Variants in PIGK observed in about 807,000 individuals in gnomAD.
PIGK encodes GPI-anchor transamidase.
Under a neutral mutation model 50.6 loss-of-function variants are expected in PIGK, and 42 were observed. That is an observed-to-expected ratio of 0.83 (90% confidence interval 0.65 to 1.07). The LOEUF is 1.07. Among genes scored for constraint, PIGK ranks in the 50% least tolerant of loss-of-function variants. The pLI, the probability that PIGK is intolerant of heterozygous loss-of-function variation, is 0.00. For synonymous variants in PIGK, 151 were observed against 156.0 expected, an observed-to-expected ratio of 0.97 and a Z score of 0.24; for missense variants, 448 against 488.7, an observed-to-expected ratio of 0.92 and a Z score of 0.78.
chr1:77,092,787 T>C (rs1368688766), intron 10 of PIGK, among the ~76,000 whole-genome samples: 2 of 152,154 alleles, frequency 1.3e-5, no homozygotes, highest in Non-Finnish European at 2.9e-5. Flanking sequence ...CTCAGTAGCC[T>C]AACAGTCTTT....
At chr1:77,175,975 A>G (rs1304979402) in intron 3 of PIGK, among the ~76,000 whole-genome samples, 1 of 152,130 alleles carries the variant, frequency 6.6e-6, no homozygotes, top group Admixed American at 6.5e-5. Context: ...GCTCTCCCTG[A>G]ACAAGATTTT....
chr1:77,172,350 T>C (rs1396482207), intron 3 of PIGK, among the ~76,000 whole-genome samples: 1 of 152,160 alleles, frequency 6.6e-6, no homozygotes, highest in Non-Finnish European at 1.5e-5. Flanking sequence ...CCAATCCAGT[T>C]GTTTCTGTAT....
At chr1:77,096,185 T>C (rs1653401442) in intron 10 of PIGK, among the ~76,000 whole-genome samples, 1 of 152,168 alleles carries the variant, frequency 6.6e-6, no homozygotes, top group African/African-American at 2.4e-5. Context: ...CTGGATGACA[T>C]AATTTTGTAA....
At chr1:77,111,812 C>T (rs1653851221) in intron 10 of PIGK, among the ~76,000 whole-genome samples, 1 of 151,840 alleles carries the variant, frequency 6.6e-6, no homozygotes, top group African/African-American at 2.4e-5. Flanking sequence ...AATTATTTCA[C>T]AAGACTAAGA....
intron 3 of PIGK, 129 bp downstream of exon 3, chr1:77,206,511 C>T (rs772311565): frequency 1.4e-4 from 85 of 598,566 alleles, no homozygotes; most frequent in Non-Finnish European, 2.3e-4. Context: ...CTAATGAGAA[C>T]AAAAAATCTT....
chr1:77,195,841 T>C (rs562946899), intron 3 of PIGK, among the ~76,000 whole-genome samples: 8 of 152,056 alleles, frequency 5.3e-5, no homozygotes, highest in Non-Finnish European at 1.2e-4. Context: ...TTTTTGACTT[T>C]TATTTTGCAT....
At position 77,166,684 on chromosome 1, in the gene PIGK, T is replaced by C. The variant is rs780568161; in HGVS notation, c.487+35A>G. 11 of 1,004,256 alleles carry C rather than the reference T, an allele frequency of 1.1e-5. No homozygotes were observed. In the Admixed American group the frequency reaches 2.5e-4, roughly 22 times the overall value. 62.2% of individuals were successfully genotyped at this position (1,004,256 alleles called of 1,614,324 possible). On this transcript the variant is annotated intron_variant, in intron 5 of 10. Coordinates refer to ENST00000370812, the MANE Select transcript of PIGK (RefSeq NM_005482.3). The stretch of plus-strand genomic sequence containing the variant: ...CCTTTCTTTTCAAAGAGTTTCAATA[T>C]ACTCTACTATAAAAACTCTAAATTA...
intron 3 of PIGK, among the ~76,000 whole-genome samples, chr1:77,174,611 A>G (rs1655440895): frequency 6.6e-6 from 1 of 152,174 alleles, no homozygotes; most frequent in African/African-American, 2.4e-5. Flanking sequence ...GCACATTTGG[A>G]TCAGAGAAAG....
At chr1:77,152,534 C>G (rs1381309628) in intron 9 of PIGK, among the ~76,000 whole-genome samples, 1 of 151,690 alleles carries the variant, frequency 6.6e-6, no homozygotes, top group African/African-American at 2.4e-5. Flanking sequence ...TTCTGCATAG[C>G]AAAGGAAACA....
intron 3 of PIGK, among the ~76,000 whole-genome samples, chr1:77,189,736 TATATATATATATACACACACAC>T (rs1176354755): frequency 8.7e-4 from 28 of 32,156 alleles, no homozygotes; most frequent in African/African-American, 3.5e-3. Flanking sequence ...TATATATATA[TATATATATATATACACACACAC>T]ACACACACAC....
At chr1:77,093,134 T>C (rs1653335673) in intron 10 of PIGK, among the ~76,000 whole-genome samples, 1 of 152,110 alleles carries the variant, frequency 6.6e-6, no homozygotes, top group African/African-American at 2.4e-5. Flanking sequence ...GTTATTTTCT[T>C]TGAGTTCCCA....
chr1:77,091,040 G>A lies in PIGK; in HGVS notation c.*1334C>T, dbSNP rs569804762. 3 of 152,160 alleles carry A rather than the reference G, an allele frequency of 2.0e-5. No individual in the cohort carries two copies. The highest frequency in any genetic ancestry group is 3.9e-4 in the East Asian group (2 of 5,170). The allele number at this position is 152,160 out of a possible 1,614,324, so 9.4% of individuals were successfully genotyped here. On this transcript the variant is annotated 3_prime_UTR_variant, in exon 11 of 11. Transcript: ENST00000370812. ...AATTTTAGGAGGTTTTCTTGTGGAG[G>A]AAGAGTTGTCTTAATGTTACCTACA...
intron 9 of PIGK, among the ~76,000 whole-genome samples, chr1:77,141,296 A>T (rs556208571): frequency 6.6e-6 from 1 of 152,050 alleles, no homozygotes; most frequent in South Asian, 2.1e-4. Context: ...TATCCTAAGA[A>T]CTCTTATATT....
At chr1:77,110,785 G>C (rs370192414) in intron 10 of PIGK, among the ~76,000 whole-genome samples, 5 of 152,028 alleles carry the variant, frequency 3.3e-5, no homozygotes, top group Admixed American at 6.6e-5. Context: ...TAAAGAGTTT[G>C]TGCACAGCAA....
chr1:77,115,453 A>G (rs1402851410), intron 10 of PIGK, among the ~76,000 whole-genome samples: 1 of 148,222 alleles, frequency 6.7e-6, no homozygotes, highest in African/African-American at 2.5e-5. Flanking sequence ...TTTTTTTTTT[A>G]GCATCACAAT....
At chr1:77,193,643 AT>A (rs1450067787) in intron 3 of PIGK, among the ~76,000 whole-genome samples, 1 of 152,198 alleles carries the variant, frequency 6.6e-6, no homozygotes, top group Non-Finnish European at 1.5e-5. Context: ...CACAAGTCAA[AT>A]TCTTACACAG....
chr1:77,176,040 G>GA (rs1195546733), intron 3 of PIGK, among the ~76,000 whole-genome samples: 1 of 151,904 alleles, frequency 6.6e-6, no homozygotes, highest in African/African-American at 2.4e-5. Flanking sequence ...AATAAACTAG[G>GA]AAAAAAAGAA....
intron 1 of PIGK, among the ~76,000 whole-genome samples, chr1:77,214,008 T>A (rs570508835): frequency 1.3e-5 from 2 of 152,088 alleles, no homozygotes; most frequent in African/African-American, 4.8e-5. Context: ...CTGAATGGAC[T>A]GAGGCTGAGT....
chr1:77,109,071 T>C (rs1388368559), intron 10 of PIGK, among the ~76,000 whole-genome samples: 1 of 152,134 alleles, frequency 6.6e-6, no homozygotes, highest in Non-Finnish European at 1.5e-5. Flanking sequence ...AGAAGTTGAA[T>C]CTCTGAATAG....
Sources: gnomAD v4.1 joint callset for allele counts (sites outside exome capture counted in the v4.1 genomes callset) on GRCh38, gnomAD v4.1.1 for gene constraint, MANE v1.5 for transcripts, NCBI Gene and HGNC (gene_info 2026-07-23, HGNC 2026-07-21) for gene names.